PCGF3: variants seen among roughly 807,000 people sequenced by gnomAD.
PCGF3 encodes the protein polycomb group RING finger protein 3.
Under a neutral mutation model 33.1 loss-of-function variants are expected in PCGF3, and 7 were observed. The ratio of observed to expected loss-of-function variants is 0.21; its 90% CI spans 0.12 to 0.40. The LOEUF is 0.40. PCGF3 is among the 10% of genes least tolerant of loss of function. The pLI, the probability that PCGF3 is intolerant of heterozygous loss-of-function variation, is 1.00. For missense variants in PCGF3, 211 were observed against 313.3 expected (o/e 0.67, Z 2.46); for synonymous variants, 153 against 121.3 (o/e 1.26, Z -1.72).
chr4:729,866 T>C (rs1253279593), intron 1 of PCGF3, among the ~76,000 whole-genome samples: 1 of 152,142 alleles, frequency 6.6e-6, no homozygotes, highest in African/African-American at 2.4e-5. Flanking sequence ...AGGCCCCCAC[T>C]TTCCCCAGTC....
intron 6 of PCGF3, among the ~76,000 whole-genome samples, chr4:741,105 G>C (rs143430212): frequency 6.6e-6 from 1 of 152,196 alleles, no homozygotes; most frequent in Non-Finnish European, 1.5e-5. Context: ...GCAAACAGCC[G>C]ACGATGGAGT....
rs1253417125 is a variant in PCGF3 at position 732,316 on chromosome 4, ACCCTCCCCTC to A, written c.-10+1211_-10+1220del. On this transcript the variant is annotated intron_variant, in intron 3 of 10. Coordinates refer to ENST00000362003, the Ensembl canonical transcript of PCGF3. Reference sequence around the variant, plus strand: ...TCCCCCTCACCTCCCTTCCCTCCCTACCCTCCCCTCCCCTTCCCTCCTCCCCTCCCTTCCC... The same window carrying A: ...TCCCCCTCACCTCCCTTCCCTCCCTACCCTTCCCTCCTCCCCTCCCTTCCC... The A allele has an allele frequency of 2.3e-5, 2 of 88,372 alleles. 1 individual carries two copies. Among genetic ancestry groups the A allele is most frequent in the Middle Eastern group, 0.017 (2 of 120 alleles). The allele number at this position is 88,372 out of a possible 1,614,324, so 5.5% of individuals were successfully genotyped here. A position where few individuals can be genotyped will look rare whatever the true frequency, so the allele number is the denominator to read the frequency against.
chr4:752,590 G>A (rs889520269), intron 8 of PCGF3, among the ~76,000 whole-genome samples: 8 of 152,230 alleles, frequency 5.3e-5, no homozygotes, highest in African/African-American at 1.9e-4. Context: ...AGTGAGGTGG[G>A]GGACGGGCCT....
At chr4:764,522 C>G (rs367774558) in intron 9 of PCGF3, 1 of 153,872 alleles carries the variant, frequency 6.5e-6, no homozygotes, top group African/African-American at 2.4e-5. Flanking sequence ...TGCCCGATTC[C>G]GGAGCTGTCA....
At position 720,188 on chromosome 4, in the gene PCGF3, G is replaced by A. The variant is rs1743014815; in HGVS notation, c.-189-10442G>A. 6.6e-6 allele frequency among the ~76,000 whole-genome samples: 1 copy of A among 152,172 alleles called. No individual in the cohort carries two copies. The highest frequency in any genetic ancestry group is 6.5e-5 in the Admixed American group (1 of 15,288). Reference sequence around the variant, plus strand: ...CGATGTGGCCCTGCTGCCGGAGTATGCCAAGCACGAGGGGCCAGGTGGCAC... The same window carrying A: ...CGATGTGGCCCTGCTGCCGGAGTATACCAAGCACGAGGGGCCAGGTGGCAC... On this transcript the variant is annotated intron_variant, in intron 1 of 10. Transcript: ENST00000362003. This position sits in a 1 kb window ranked among gnomAD's most constrained non-coding sequence, Gnocchi z 5.6.
exon 11 of PCGF3, chr4:770,083 A>C (rs1021564521): frequency 2.6e-5 from 4 of 152,630 alleles, no homozygotes. Flanking sequence ...GCAAAAGAAA[A>C]GCTTAAGTGA....
At chr4:731,365 C>T in intron 3 of PCGF3, 1 of 398,826 alleles carries the variant, frequency 2.5e-6, no homozygotes, top group Non-Finnish European at 4.4e-6. Flanking sequence ...ACTTGGGTTC[C>T]CGGCGTGTCG....
At chr4:749,209 G>C (rs1744402525) in intron 8 of PCGF3, among the ~76,000 whole-genome samples, 2 of 152,174 alleles carry the variant, frequency 1.3e-5, no homozygotes, top group African/African-American at 4.8e-5. Context: ...TTGTTGCCCA[G>C]GCTGGAGTGC....
chr4:756,216 CTTT>C (rs34956842), intron 8 of PCGF3, among the ~76,000 whole-genome samples: 1 of 120,362 alleles, frequency 8.3e-6, no homozygotes, highest in Non-Finnish European at 1.8e-5. Flanking sequence ...CCGCACTTGG[CTTT>C]TTTTTTTTTG....
At chr4:731,455 G>T in intron 3 of PCGF3, 1 of 324,958 alleles carries the variant, frequency 3.1e-6, no homozygotes, top group Non-Finnish European at 5.6e-6. Flanking sequence ...GCATCCTGCA[G>T]GGAGGTCCTC....
At chr4:730,151 G>T (rs185668153) in intron 1 of PCGF3, among the ~76,000 whole-genome samples, 2 of 152,292 alleles carry the variant, frequency 1.3e-5, no homozygotes, top group East Asian at 1.9e-4. Flanking sequence ...TCTGGTAGGC[G>T]CAGGCAGGTC....
intron 1 of PCGF3, among the ~76,000 whole-genome samples, chr4:709,058 C>T (rs772518862): frequency 9.9e-5 from 15 of 152,282 alleles, no homozygotes; most frequent in South Asian, 2.1e-4. Context: ...CAGAAGCGAG[C>T]GGTCTATGCT....
intron 1 of PCGF3, among the ~76,000 whole-genome samples, chr4:713,032 G>C (rs1004495430): frequency 6.6e-6 from 1 of 150,396 alleles, no homozygotes; most frequent in African/African-American, 2.5e-5. Flanking sequence ...GGCCTGTGGG[G>C]CCTGTGGGCC....
At chr4:732,855 C>T (rs758757376) in intron 3 of PCGF3, among the ~76,000 whole-genome samples, 3 of 152,242 alleles carry the variant, frequency 2.0e-5, no homozygotes, top group Non-Finnish European at 2.9e-5. Flanking sequence ...GCACGCGGAG[C>T]GGCCCTGCTC....
chr4:718,688 C>T (rs1383681583), intron 1 of PCGF3, among the ~76,000 whole-genome samples: 2 of 152,164 alleles, frequency 1.3e-5, no homozygotes, highest in East Asian at 1.9e-4. Context: ...ATGCAGGCAA[C>T]ACCCTGAGTG....
chr4:744,637 C>G, exon 8 of PCGF3: 9 of 1,562,036 alleles, frequency 5.8e-6, no homozygotes, highest in Non-Finnish European at 7.8e-6. Flanking sequence ...ACAAAGAGGC[C>G]GCGGAGGAGA....
At chr4:706,397 CAA>C (rs1742304414) in intron 1 of PCGF3, among the ~76,000 whole-genome samples, 1 of 130,918 alleles carries the variant, frequency 7.6e-6, no homozygotes. Flanking sequence ...GCAGGGAGGG[CAA>C]GACCCCAGCC....
At chr4:712,081 A>G (rs947624830) in intron 1 of PCGF3, among the ~76,000 whole-genome samples, 1 of 152,190 alleles carries the variant, frequency 6.6e-6, no homozygotes, top group Admixed American at 6.5e-5. Context: ...TGCTGTTAAT[A>G]TAGCAAAAAT....
chr4:713,293 C>T (rs867138248), intron 1 of PCGF3, among the ~76,000 whole-genome samples: 2 of 75,028 alleles, frequency 2.7e-5, no homozygotes, highest in African/African-American at 4.3e-5. Context: ...GGGCTGTGGC[C>T]TCATGGGGGC....
Sources: gnomAD v4.1 joint callset for allele counts (sites outside exome capture counted in the v4.1 genomes callset) on GRCh38, gnomAD v4.1.1 for gene constraint, Gnocchi (gnomAD v3.1) non-coding constraint, MANE v1.5 for transcripts, NCBI Gene and HGNC (gene_info 2026-07-23, HGNC 2026-07-21) for gene names.